The following NRP2 variants were observed in gnomAD, a reference collection of about 807,000 sequenced individuals.
NRP2 encodes neuropilin-2.
Under a neutral mutation model 110.4 loss-of-function variants are expected in NRP2, and 52 were observed. That is an observed-to-expected ratio of 0.47 (90% confidence interval 0.38 to 0.59). NRP2 has a LOEUF of 0.59. Among genes scored for constraint, NRP2 ranks in the 20% least tolerant of loss-of-function variants. The probability of loss-of-function intolerance (pLI) is 0.00; values close to 1 mark genes in which losing one functional copy is unlikely to be tolerated. For missense variants in NRP2, 1,049 were observed against 1,203.0 expected, an observed-to-expected ratio of 0.87 and a Z score of 1.89; for synonymous variants, 508 against 468.9, an observed-to-expected ratio of 1.08 and a Z score of -1.08.
chr2:205,780,695 G>C (rs78722412), intron 15 of NRP2, among the ~76,000 whole-genome samples: 36 of 152,310 alleles, frequency 2.4e-4, no homozygotes, highest in African/African-American at 6.5e-4. Flanking sequence ...TACATGTTCA[G>C]AAGATCCTAT....
intron 7 of NRP2, among the ~76,000 whole-genome samples, chr2:205,738,000 A>G (rs751169462): frequency 2.6e-5 from 4 of 152,218 alleles, no homozygotes; most frequent in African/African-American, 4.8e-5. Context: ...CAGTCCAAAT[A>G]CACAATCATT....
At chr2:205,705,866 T>C (rs980009609) in intron 2 of NRP2, among the ~76,000 whole-genome samples, 2 of 152,092 alleles carry the variant, frequency 1.3e-5, no homozygotes, top group African/African-American at 4.8e-5. Context: ...CTGATTTCTT[T>C]AGATATCCTT....
In NRP2 at chr2:205,743,476, G is replaced by A. The variant is rs753882233; in HGVS notation, c.1565G>A (p.Arg522His). Reference sequence around the variant, plus strand: ...GCTGTGGAAGCCAGAGCATTTGTGCGCAAGTTCAAAGTCTCCTACAGCCTA... The same window carrying A: ...GCTGTGGAAGCCAGAGCATTTGTGCACAAGTTCAAAGTCTCCTACAGCCTA... ...ITAVEARAFV[R>H]KFKVSYSLNG... The change falls in exon 9 of 17, where the codon CGC becomes CAC. Residue 522 changes from arginine to histidine, a missense_variant. Physicochemically the swap from Arg to His is conservative, Grantham distance 29 (BLOSUM62 0). Transcript: ENST00000357785. 8 of 1,614,194 alleles carry A rather than the reference G, an allele frequency of 5.0e-6. No individual in the cohort carries two copies. The highest frequency in any genetic ancestry group is 2.2e-5 in the East Asian group (1 of 44,872).
intron 1 of NRP2, among the ~76,000 whole-genome samples, chr2:205,688,405 G>T (rs2056225442): frequency 6.6e-6 from 1 of 152,204 alleles, no homozygotes; most frequent in African/African-American, 2.4e-5. Flanking sequence ...ATTTCTGGAA[G>T]ATGCTGCAGA....
intron 12 of NRP2, among the ~76,000 whole-genome samples, chr2:205,755,016 G>A (rs1018656383): frequency 1.3e-5 from 2 of 152,164 alleles, no homozygotes; most frequent in Admixed American, 1.3e-4. Flanking sequence ...CAGGCCACAA[G>A]GCCACCAATT....
chr2:205,734,988 G>A (rs760569721), intron 7 of NRP2, among the ~76,000 whole-genome samples: 20 of 152,086 alleles, frequency 1.3e-4, no homozygotes, highest in Non-Finnish European at 4.4e-5. Context: ...GTGCTGAAGC[G>A]CTACTCACAT....
rs2058353861 is a variant in NRP2 at position 205,796,558 on chromosome 2, GC to G, written c.*1501del. 6.6e-6 allele frequency: 1 copy of G among 152,358 alleles called. No individual in the cohort carries two copies. The highest frequency in any genetic ancestry group is 6.6e-5 in the Admixed American group (1 of 15,250). The allele number at this position is 152,358 out of a possible 1,614,324, so 9.4% of individuals were successfully genotyped here. A position where few individuals can be genotyped will look rare whatever the true frequency, so the allele number is the denominator to read the frequency against. ...ATTAGTGAATATCTTATGAATTAAG[GC>G]ATTCCTCTTTCCCTAACCCCGATGG... On this transcript the variant is annotated 3_prime_UTR_variant, in exon 17 of 17. Coordinates refer to ENST00000357785, the MANE Select transcript of NRP2 (RefSeq NM_003872.3).
chr2:205,727,762 CAAGT>C lies in NRP2; in HGVS notation c.991-127_991-124del, dbSNP rs2057154831. 3.0e-5 allele frequency: 26 copies of C among 864,970 alleles called. No individual in the cohort carries two copies. The South Asian group carries it at 4.6e-4, about 15-fold the overall frequency. 53.6% of individuals were successfully genotyped at this position (864,970 alleles called of 1,614,324 possible). ...TGGAATTGCAAACTGATACTAATTACAAGTATGTCTCAGTGAATCACAGATACAG... is the reference window on the plus strand; with the variant it reads ...TGGAATTGCAAACTGATACTAATTACATGTCTCAGTGAATCACAGATACAG... On this transcript the variant is annotated intron_variant, in intron 6 of 16. Coordinates refer to ENST00000357785, the MANE Select transcript of NRP2 (RefSeq NM_003872.3).
chr2:205,696,386 G>A (rs1343635300), intron 1 of NRP2, among the ~76,000 whole-genome samples: 2 of 152,184 alleles, frequency 1.3e-5, no homozygotes, highest in Non-Finnish European at 2.9e-5. Flanking sequence ...CCATGCAGAT[G>A]GCGATATTAA....
At chr2:205,764,561 G>C (rs2057881990) in intron 13 of NRP2, 1 of 154,420 alleles carries the variant, frequency 6.5e-6, no homozygotes, top group Admixed American at 6.4e-5. Flanking sequence ...CTGAGAACCA[G>C]CCAAAGCATT....
intron 15 of NRP2, among the ~76,000 whole-genome samples, chr2:205,775,979 A>G (rs111981574): frequency 0.022 from 3,369 of 152,308 alleles, 37 homozygotes; most frequent in Middle Eastern, 0.048. Context: ...CTAGCTGTAT[A>G]ACCACTTAAC....
intron 15 of NRP2, among the ~76,000 whole-genome samples, chr2:205,769,831 G>T (rs976632718): frequency 1.3e-5 from 2 of 151,952 alleles, no homozygotes; most frequent in Admixed American, 6.6e-5. Flanking sequence ...TATAAAGGGG[G>T]GAAAAAGAAC....
chr2:205,693,690 C>A (rs1391449185), intron 1 of NRP2, among the ~76,000 whole-genome samples: 1 of 152,162 alleles, frequency 6.6e-6, no homozygotes, highest in Non-Finnish European at 1.5e-5. Context: ...TCGATCCCTC[C>A]CTTTCCTGGT....
rs1453358063 is a variant in NRP2, at chr2:205,723,959, A to G, written c.820+19A>G. ...CTAGAGAGTGAGTTGGCCGATTGGG[A>G]ACCTCTGTCCTGTCCTTCCGTCAGG... On this transcript the variant is annotated intron_variant, in intron 5 of 16. Coordinates refer to ENST00000357785, the MANE Select transcript of NRP2 (RefSeq NM_003872.3). 5 of 1,613,330 alleles carry G rather than the reference A, an allele frequency of 3.1e-6. No homozygotes were observed. The African/African-American group carries it at 6.7e-5, about 22-fold the overall frequency.
intron 12 of NRP2, among the ~76,000 whole-genome samples, chr2:205,760,303 C>T (rs934267596): frequency 4.6e-5 from 7 of 152,156 alleles, no homozygotes; most frequent in African/African-American, 1.7e-4. Context: ...CAGTGACAGG[C>T]GCTTTGCAGC....
intron 15 of NRP2, chr2:205,768,586 T>G (rs1473912682): frequency 1.3e-5 from 2 of 152,366 alleles, no homozygotes; most frequent in East Asian, 1.9e-4. Context: ...GTGCTTACCA[T>G]GAGGCTTCAC....
At chr2:205,776,613 T>C (rs2058105346) in intron 15 of NRP2, 1 of 1,597,004 alleles carries the variant, frequency 6.3e-7, no homozygotes, top group South Asian at 1.1e-5. Flanking sequence ...CCTCGCCTAG[T>C]TTCTGTGTGA....
intron 7 of NRP2, among the ~76,000 whole-genome samples, chr2:205,731,400 A>G (rs991232857): frequency 6.6e-6 from 1 of 152,210 alleles, no homozygotes; most frequent in African/African-American, 2.4e-5. Flanking sequence ...ATACATACCA[A>G]GAAGGGCGCA....
rs141479154 is a variant in NRP2, at chr2:205,689,280, T to G, written c.73+5917T>G. Among the ~76,000 whole-genome samples the G allele has an allele frequency of 2.5e-3, 379 of 152,366 alleles. 2 individuals carry two copies. Among genetic ancestry groups the G allele is most frequent in the African/African-American group, 8.5e-3 (354 of 41,588 alleles). ...CTAGCTCAGCCACTTGCTGGCTCTG[T>G]GATCCCAGTATCCTGTGTGATCAGA... On this transcript the variant is annotated intron_variant, in intron 1 of 16. Transcript: ENST00000357785.
Sources: gnomAD v4.1 joint callset for allele counts (sites outside exome capture counted in the v4.1 genomes callset) on GRCh38, gnomAD v4.1.1 for gene constraint, MANE v1.5 for transcripts, NCBI Gene and HGNC (gene_info 2026-07-23, HGNC 2026-07-21) for gene names.